COL15A1: variants seen among roughly 807,000 people sequenced by gnomAD.
COL15A1 encodes the protein collagen type XV alpha 1 chain.
Under a neutral mutation model 165.9 loss-of-function variants are expected in COL15A1, and 111 were observed. The observed-to-expected ratio is 0.67, with a 90% CI of 0.57 to 0.78. The LOEUF is 0.78. COL15A1 is among the 30% of genes least tolerant of loss of function. The probability of loss-of-function intolerance (pLI) is 0.00; values close to 1 mark genes in which losing one functional copy is unlikely to be tolerated. For synonymous variants in COL15A1, 659 were observed against 674.8 expected, an observed-to-expected ratio of 0.98 and a Z score of 0.36; for missense variants, 1,745 against 1,789.7, an observed-to-expected ratio of 0.98 and a Z score of 0.45.
At chr9:99,006,102 C>G (rs1838757955) in intron 9 of COL15A1, among the ~76,000 whole-genome samples, 1 of 152,202 alleles carries the variant, frequency 6.6e-6, no homozygotes, top group Admixed American at 6.5e-5. Flanking sequence ...GAACCTTTCT[C>G]CCTTCTCTCC....
Position 99,055,084 on chromosome 9 carries a change from G to T in COL15A1, c.3032-18G>T, listed in dbSNP as rs767712988. 1.9e-6 allele frequency: 3 copies of T among 1,604,096 alleles called. No homozygotes were observed. Among genetic ancestry groups the T allele is most frequent in the Non-Finnish European group, 2.6e-6 (3 of 1,171,008 alleles). Reference sequence around the variant, plus strand: ...CTGAAATTACAATCGTGAATTTTACGAAGCATTTCTTTTTCAGGTCCTCCA... The same window carrying T: ...CTGAAATTACAATCGTGAATTTTACTAAGCATTTCTTTTTCAGGTCCTCCA... On this transcript the variant is annotated intron_variant, in intron 32 of 41. Coordinates refer to ENST00000375001, the MANE Select transcript of COL15A1 (RefSeq NM_001855.5).
chr9:99,022,505 C>A lies in COL15A1; in HGVS notation c.1761+355C>A, dbSNP rs1465326577. On this transcript the variant is annotated intron_variant, in intron 13 of 41. Coordinates refer to ENST00000375001, the MANE Select transcript of COL15A1 (RefSeq NM_001855.5). ...CATCCTTGAGTGGTCCTCTGCCTTC[C>A]CCAGCCCTGCCCAGTGTGTCCCCAT... Among the ~76,000 whole-genome samples, 5 of 152,264 alleles carry A rather than the reference C, an allele frequency of 3.3e-5. No individual in the cohort carries two copies. In the East Asian group the frequency reaches 9.7e-4, roughly 29 times the overall value.
chr9:99,067,051 C>G lies in COL15A1; in HGVS notation c.3821C>G (p.Pro1274Arg). ...AGGAAAGCAGAGAGATACAGCCTTC[C>G]CATAGTGAACCTCAAGGTAAAAATA... Reference protein sequence around the residue: ...IVRKAERYSLPIVNLKGQVLF... With the variant: ...IVRKAERYSLRIVNLKGQVLF... The change falls in exon 40 of 42, where the codon CCC becomes CGC. Residue 1274 changes from proline to arginine, a missense_variant. Transcript: ENST00000375001. The G allele has an allele frequency of 6.2e-7, 1 of 1,613,328 alleles. No individual in the cohort carries two copies. Among genetic ancestry groups the G allele is most frequent in the South Asian group, 1.1e-5 (1 of 90,938 alleles).
At chr9:99,067,131 G>T in intron 40 of COL15A1, 64 bp downstream of exon 40, 1 of 1,377,730 alleles carries the variant, frequency 7.3e-7, no homozygotes, top group Non-Finnish European at 1.0e-6. Context: ...CCTGGAGGCA[G>T]TTTTCATTCC....
chr9:98,948,778 G>T lies in COL15A1; in HGVS notation c.100+4528G>T, dbSNP rs567483064. Among the ~76,000 whole-genome samples the T allele has an allele frequency of 3.3e-5, 5 of 152,194 alleles. No individual in the cohort carries two copies. The South Asian group carries it at 1.0e-3, about 32-fold the overall frequency. The stretch of plus-strand genomic sequence containing the variant: ...ATAAGGGGGCTATTGTCCAGGTAGG[G>T]ATGGTGGTGTCACAAGTAATTTGCT... On this transcript the variant is annotated intron_variant, in intron 2 of 41. Coordinates refer to ENST00000375001, the MANE Select transcript of COL15A1 (RefSeq NM_001855.5).
At chr9:98,968,378 G>A (rs1226289821) in intron 2 of COL15A1, among the ~76,000 whole-genome samples, 5 of 152,158 alleles carry the variant, frequency 3.3e-5, no homozygotes, top group South Asian at 2.1e-4. Flanking sequence ...AAGTGGAGGT[G>A]TGTGGGCTGG....
chr9:98,947,856 C>T (rs564934230), intron 2 of COL15A1, among the ~76,000 whole-genome samples: 1 of 152,098 alleles, frequency 6.6e-6, no homozygotes, highest in Non-Finnish European at 1.5e-5. Flanking sequence ...TCTTTGTAAA[C>T]TTCCTGATAT....
Position 99,034,586 on chromosome 9 carries a change from T to TAAAAAAAA in COL15A1, c.2079+23_2079+30dup, listed in dbSNP as rs60290557. ...CCTAATGGCTCAGTTGGTGAAAAGG[T>TAAAAAAAA]AAAAAAAAAAAAAAAAAAAAAAAAA... On this transcript the variant is annotated splice_region_variant and intron_variant, in intron 17 of 41. Coordinates refer to ENST00000375001, the MANE Select transcript of COL15A1 (RefSeq NM_001855.5). 82 of 1,074,746 alleles carry TAAAAAAAA rather than the reference T, an allele frequency of 7.6e-5. No individual in the cohort carries two copies. Among genetic ancestry groups the TAAAAAAAA allele is most frequent in the Admixed American group, 4.8e-4 (9 of 18,802 alleles). The allele number at this position is 1,074,746 out of a possible 1,614,324, so 66.6% of individuals were successfully genotyped here. A position where few individuals can be genotyped will look rare whatever the true frequency, so the allele number is the denominator to read the frequency against.
intron 5 of COL15A1, among the ~76,000 whole-genome samples, chr9:98,990,516 G>A (rs1266656124): frequency 6.6e-6 from 1 of 152,238 alleles, no homozygotes; most frequent in African/African-American, 2.4e-5. Flanking sequence ...TCCCAACCTG[G>A]GGCAGTAGGA....
intron 2 of COL15A1, among the ~76,000 whole-genome samples, chr9:98,950,550 C>CCTTCCCCTT (rs1554682440): frequency 4.5e-5 from 3 of 66,924 alleles, no homozygotes; most frequent in Non-Finnish European, 7.5e-5. Flanking sequence ...CCTTCCCTTC[C>CCTTCCCCTT]CCTTCCTTCC....
At chr9:98,976,220 C>T (rs750120529) in intron 2 of COL15A1, among the ~76,000 whole-genome samples, 1 of 152,158 alleles carries the variant, frequency 6.6e-6, no homozygotes, top group African/African-American at 2.4e-5. Context: ...GTTGAAAACC[C>T]CCATTGGAAA....
At position 99,065,801 on chromosome 9, in the gene COL15A1, A is replaced by C. The variant is rs75316431; in HGVS notation, c.3652-1081A>C. Among the ~76,000 whole-genome samples the C allele has an allele frequency of 2.5e-3, 383 of 151,300 alleles. 1 individual carries two copies. The highest frequency in any genetic ancestry group is 4.1e-3 in the Non-Finnish European group (278 of 67,816). On this transcript the variant is annotated intron_variant, in intron 39 of 41. Coordinates refer to ENST00000375001, the MANE Select transcript of COL15A1 (RefSeq NM_001855.5). The stretch of plus-strand genomic sequence containing the variant: ...GGAGAAAAATATCCAGAGATGTGCA[A>C]GGGCTGCTTGGGGCCAGTCTGGACA...
chr9:99,015,373 G>T (rs762090099), intron 9 of COL15A1, 44 bp from the exon 10 acceptor site: 1 of 1,471,704 alleles, frequency 6.8e-7, no homozygotes, highest in South Asian at 1.1e-5. Context: ...TGAACCAGGG[G>T]CATGGGCGAA....
In COL15A1 at chr9:99,050,972, G is replaced by A. The variant is rs766733847; in HGVS notation, c.2904+1077G>A. On this transcript the variant is annotated intron_variant, in intron 30 of 41. Coordinates refer to ENST00000375001, the MANE Select transcript of COL15A1 (RefSeq NM_001855.5). ...GACCCACCTATGTCAGGTGACTAAC[G>A]GGCTCCAGGCTCTACATGGAGACAA... 7.9e-5 allele frequency among the ~76,000 whole-genome samples: 12 copies of A among 152,316 alleles called. 1 individual carries two copies. In the South Asian group the frequency reaches 1.2e-3, roughly 16 times the overall value.
chr9:98,985,428 A>G lies in COL15A1; in HGVS notation c.101-137A>G, dbSNP rs1838291314. ...TTGTGGGTCGTTGTCAAAACGTTTG[A>G]AAAACAACCATTTAGGAACTACAGT... On this transcript the variant is annotated intron_variant, in intron 2 of 41. Transcript: ENST00000375001. 4 of 895,016 alleles carry G rather than the reference A, an allele frequency of 4.5e-6. No individual in the cohort carries two copies. In the South Asian group the frequency reaches 7.3e-5, roughly 16 times the overall value. 55.4% of individuals were successfully genotyped at this position (895,016 alleles called of 1,614,324 possible). A position where few individuals can be genotyped will look rare whatever the true frequency, so the allele number is the denominator to read the frequency against.
intron 19 of COL15A1, 83 bp from the exon 20 acceptor site, chr9:99,036,087 T>G (rs1169568022): frequency 8.6e-7 from 1 of 1,159,802 alleles, no homozygotes; most frequent in Non-Finnish European, 1.3e-6. Context: ...GCATAAAAGC[T>G]TAGGGGGAGA....
chr9:98,979,783 C>T (rs1328738537), intron 2 of COL15A1, among the ~76,000 whole-genome samples: 1 of 152,056 alleles, frequency 6.6e-6, no homozygotes, highest in African/African-American at 2.4e-5. Context: ...AGAGGATAAG[C>T]ATTCAATTGA....
intron 2 of COL15A1, among the ~76,000 whole-genome samples, chr9:98,974,126 G>A (rs1252035505): frequency 6.6e-6 from 1 of 152,212 alleles, no homozygotes; most frequent in African/African-American, 2.4e-5. Flanking sequence ...AGCCAGGTGG[G>A]TGGGAGTTGC....
At chr9:99,063,834 G>A (rs879569178) in intron 39 of COL15A1, among the ~76,000 whole-genome samples, 6 of 152,098 alleles carry the variant, frequency 3.9e-5, no homozygotes, top group African/African-American at 1.2e-4. Context: ...TGAATATGGC[G>A]CATTAAAGAT....
Sources: gnomAD v4.1 joint callset for allele counts (sites outside exome capture counted in the v4.1 genomes callset) on GRCh38, gnomAD v4.1.1 for gene constraint, MANE v1.5 for transcripts, NCBI Gene and HGNC (gene_info 2026-07-23, HGNC 2026-07-21) for gene names.